Variants in RPS6KA2 observed in about 807,000 individuals in gnomAD.
RPS6KA2 encodes the protein ribosomal protein S6 kinase alpha-2.
In RPS6KA2, 42 loss-of-function variants were observed where a neutral mutation model predicts 91.8. The ratio of observed to expected loss-of-function variants is 0.46; its 90% CI spans 0.36 to 0.59. The LOEUF (loss-of-function observed/expected upper bound fraction) is 0.59, where lower values mean the gene tolerates loss of function less well. Among genes scored for constraint, RPS6KA2 ranks in the 20% least tolerant of loss-of-function variants. RPS6KA2 has a pLI of 0.00. For missense variants in RPS6KA2, 798 were observed against 978.5 expected (o/e 0.82, Z 2.46); for synonymous variants, 414 against 393.6 (o/e 1.05, Z -0.61).
intron 2 of RPS6KA2, among the ~76,000 whole-genome samples, chr6:166,841,495 T>C (rs938851805): frequency 1.3e-5 from 2 of 152,256 alleles, no homozygotes; most frequent in Non-Finnish European, 2.9e-5. Context: ...TGTATGTTTT[T>C]TCAAAGTTAT....
chr6:166,702,140 T>A, intron 2 of RPS6KA2: 1 of 1,570,646 alleles, frequency 6.4e-7, no homozygotes, highest in Non-Finnish European at 8.8e-7. Flanking sequence ...ACGGTGGACA[T>A]CGATTTTAGA....
chr6:166,703,240 G>C (rs759844153), intron 2 of RPS6KA2, among the ~76,000 whole-genome samples: 8 of 152,178 alleles, frequency 5.3e-5, no homozygotes, highest in Non-Finnish European at 1.0e-4. Flanking sequence ...TACATGTATT[G>C]ATTAAAACTC....
chr6:166,480,175 C>T (rs1044209275), intron 10 of RPS6KA2, among the ~76,000 whole-genome samples: 5 of 151,996 alleles, frequency 3.3e-5, no homozygotes, highest in Non-Finnish European at 5.9e-5. Context: ...CCCCTTCACC[C>T]GGAAGTTGGG....
At chr6:166,470,737 C>T (rs1030849205) in intron 10 of RPS6KA2, among the ~76,000 whole-genome samples, 6 of 152,174 alleles carry the variant, frequency 3.9e-5, no homozygotes, top group African/African-American at 7.2e-5. Flanking sequence ...TGCCCATTCA[C>T]GGAGGCACTA....
At chr6:166,484,061 C>T (rs1268960722) in intron 10 of RPS6KA2, among the ~76,000 whole-genome samples, 1 of 152,200 alleles carries the variant, frequency 6.6e-6, no homozygotes. Flanking sequence ...GGGGCCAAGG[C>T]GTGACATGCC....
intron 1 of RPS6KA2, among the ~76,000 whole-genome samples, chr6:166,611,385 C>G (rs921549619): frequency 6.6e-6 from 1 of 152,228 alleles, no homozygotes; most frequent in Non-Finnish European, 1.5e-5. Context: ...AAAAGCTGTT[C>G]CATCTCAGTC....
chr6:166,472,615 C>T (rs1780812746), intron 10 of RPS6KA2, among the ~76,000 whole-genome samples: 1 of 152,188 alleles, frequency 6.6e-6, no homozygotes, highest in Non-Finnish European at 1.5e-5. Flanking sequence ...CTGTGTCAAC[C>T]CTCCCAGGGC....
At chr6:166,769,539 T>G (rs1778409099) in intron 2 of RPS6KA2, among the ~76,000 whole-genome samples, 1 of 152,254 alleles carries the variant, frequency 6.6e-6, no homozygotes, top group African/African-American at 2.4e-5. Context: ...CTTGAGATTC[T>G]GTGTGCCCAC....
At position 166,666,146 on chromosome 6, in the gene RPS6KA2, T is replaced by A. The variant is rs956094680; in HGVS notation, c.124-127362A>T. 6.6e-6 allele frequency among the ~76,000 whole-genome samples: 1 copy of A among 152,152 alleles called. No homozygotes were observed. Among genetic ancestry groups the A allele is most frequent in the Non-Finnish European group, 1.5e-5 (1 of 68,030 alleles). On this transcript the variant is annotated intron_variant, in intron 2 of 21. Transcript: ENST00000503859. This position sits in a 1 kb window ranked among gnomAD's most constrained non-coding sequence, Gnocchi z 4.0. ...GCTGAACTCACTTCAGAAGTTGGTG[T>A]CTAAAATTGGAGACTCTTTCAGCAA...
intron 16 of RPS6KA2, among the ~76,000 whole-genome samples, 197 bp downstream of exon 16, chr6:166,430,256 C>G (rs1385566270): frequency 1.3e-5 from 2 of 152,144 alleles, no homozygotes; most frequent in African/African-American, 2.4e-5. Context: ...GTGTGAGCCA[C>G]TGCACCCGGC....
At chr6:166,791,798 A>G (rs1249929753) in intron 2 of RPS6KA2, among the ~76,000 whole-genome samples, 1 of 151,618 alleles carries the variant, frequency 6.6e-6, no homozygotes, top group African/African-American at 2.4e-5. Context: ...GCAGAAATAA[A>G]GATGTTCTCT....
chr6:166,744,750 A>T (rs79215080), intron 2 of RPS6KA2, among the ~76,000 whole-genome samples: 1 of 152,240 alleles, frequency 6.6e-6, no homozygotes, highest in South Asian at 2.1e-4. Context: ...CTGGATTTAA[A>T]GCGGCACTCC....
intron 2 of RPS6KA2, among the ~76,000 whole-genome samples, chr6:166,830,080 G>A (rs890516012): frequency 4.1e-5 from 6 of 145,306 alleles, no homozygotes; most frequent in Non-Finnish European, 7.4e-5. Context: ...AGCCGAGATC[G>A]CACCATTGCA....
chr6:166,488,936 C>CCTATTTTAGGAT lies in RPS6KA2; in HGVS notation c.819-27_819-16dup. Reference sequence around the variant, plus strand: ...CCAGCTTGGCTCTGAAAAACAAGATCCTATTTTAGGATCTATTTTAGGAGA... The same window carrying CCTATTTTAGGAT: ...CCAGCTTGGCTCTGAAAAACAAGATCCTATTTTAGGATCTATTTTAGGATCTATTTTAGGAGA... On this transcript the variant is annotated splice_polypyrimidine_tract_variant and intron_variant, in intron 9 of 20. Transcript: ENST00000265678. 2 of 1,605,632 alleles carry CCTATTTTAGGAT rather than the reference C, an allele frequency of 1.2e-6. No individual in the cohort carries two copies. The highest frequency in any genetic ancestry group is 1.7e-6 in the Non-Finnish European group (2 of 1,174,032).
intron 2 of RPS6KA2, among the ~76,000 whole-genome samples, chr6:166,828,741 A>G (rs1033182273): frequency 1.1e-4 from 16 of 152,240 alleles, no homozygotes; most frequent in African/African-American, 3.9e-4. Context: ...AAAAGATGAG[A>G]AAAGCTTTAT....
chr6:166,636,735 G>A (rs918471212), intron 2 of RPS6KA2, among the ~76,000 whole-genome samples: 4 of 152,202 alleles, frequency 2.6e-5, no homozygotes, highest in Admixed American at 2.6e-4. Flanking sequence ...AAGACATTGG[G>A]GAACGAGGCC....
chr6:166,507,451 ATACATACACACACCC>A (rs530507219), intron 5 of RPS6KA2, among the ~76,000 whole-genome samples: 1,834 of 149,792 alleles, frequency 0.012, 14 homozygotes, highest in Non-Finnish European at 0.02. Flanking sequence ...CACACAACTC[ATACATACACACACCC>A]TACATAGGCA....
chr6:166,538,898 C>A, intron 1 of RPS6KA2, 114 bp from the exon 2 acceptor site: 1 of 596,380 alleles, frequency 1.7e-6, no homozygotes. Flanking sequence ...GATTTTAGCG[C>A]TGGAGTTTGA....
At chr6:166,810,385 T>G (rs1779599388) in intron 2 of RPS6KA2, among the ~76,000 whole-genome samples, 1 of 152,084 alleles carries the variant, frequency 6.6e-6, no homozygotes, top group Admixed American at 6.5e-5. Flanking sequence ...CATGGAAAGA[T>G]CTGAGCCCAC....
Sources: allele counts gnomAD v4.1 joint callset (sites outside exome capture counted in the v4.1 genomes callset), GRCh38; gene constraint gnomAD v4.1.1; non-coding constraint Gnocchi (gnomAD v3.1); transcripts MANE v1.5; gene names NCBI Gene and HGNC (gene_info 2026-07-23, HGNC 2026-07-21).